Variants in EYS observed in about 807,000 individuals in gnomAD.
The protein encoded by EYS is EGF-like photoreceptor maintenance factor, also known as protein eyes shut homolog.
Under a neutral mutation model 282.1 loss-of-function variants are expected in EYS, and 250 were observed. The ratio of observed to expected loss-of-function variants is 0.89; its 90% CI spans 0.80 to 0.98. The LOEUF is 0.98. Ranked by LOEUF, EYS falls within the 50% of genes least tolerant of loss-of-function variation. EYS has a pLI of 0.00. For missense variants in EYS, 4,016 were observed against 3,709.0 expected (o/e 1.08, Z -2.15); for synonymous variants, 1,355 against 1,282.9 (o/e 1.06, Z -1.20).
At chr6:63,885,469 G>A (rs908490325) in intron 35 of EYS, among the ~76,000 whole-genome samples, 3 of 152,036 alleles carry the variant, frequency 2.0e-5, no homozygotes, top group Non-Finnish European at 1.5e-5. Context: ...TTTCTTTGAT[G>A]CAATGATTTC....
intron 12 of EYS, among the ~76,000 whole-genome samples, chr6:65,120,159 A>C (rs894298171): frequency 2.0e-5 from 3 of 150,296 alleles, no homozygotes; most frequent in East Asian, 1.9e-4. Context: ...CTCAAAAAAA[A>C]AAAAAAACAA....
At chr6:63,924,052 T>C (rs1245721872) in intron 35 of EYS, among the ~76,000 whole-genome samples, 2 of 152,160 alleles carry the variant, frequency 1.3e-5, no homozygotes, top group East Asian at 3.9e-4. Flanking sequence ...GCATAATAAA[T>C]TCAAAAAGGA....
At chr6:64,612,555 T>C (rs937086342) in intron 24 of EYS, among the ~76,000 whole-genome samples, 3 of 152,144 alleles carry the variant, frequency 2.0e-5, no homozygotes, top group Admixed American at 6.5e-5. Context: ...ACTTTTGTAA[T>C]TGGATCTGCT....
At chr6:65,472,426 T>G (rs1182192794) in intron 5 of EYS, among the ~76,000 whole-genome samples, 1 of 152,052 alleles carries the variant, frequency 6.6e-6, no homozygotes, top group Non-Finnish European at 1.5e-5. Flanking sequence ...CAGATACATA[T>G]TCTTATGGAA....
At chr6:64,092,321 C>G (rs926246926) in intron 31 of EYS, among the ~76,000 whole-genome samples, 5 of 152,160 alleles carry the variant, frequency 3.3e-5, no homozygotes, top group Non-Finnish European at 4.4e-5. Context: ...CCTGAGGAAT[C>G]GCCACACTGA....
intron 12 of EYS, among the ~76,000 whole-genome samples, chr6:65,289,464 C>T (rs1768462079): frequency 6.6e-6 from 1 of 150,852 alleles, no homozygotes; most frequent in South Asian, 2.1e-4. Flanking sequence ...AGGACTACTC[C>T]CAAATATGTG....
intron 14 of EYS, among the ~76,000 whole-genome samples, chr6:64,996,671 G>A (rs977577375): frequency 3.9e-5 from 6 of 152,160 alleles, no homozygotes; most frequent in South Asian, 2.1e-4. Flanking sequence ...ATGTAAATGC[G>A]AGTTACAGTT....
At chr6:64,062,645 C>A (rs780471442) in intron 33 of EYS, among the ~76,000 whole-genome samples, 2 of 148,344 alleles carry the variant, frequency 1.3e-5, no homozygotes, top group African/African-American at 2.5e-5. Flanking sequence ...GAGCCGAGAT[C>A]GCACCATTGC....
chr6:63,876,249 C>A lies in EYS; in HGVS notation c.7056-11891G>T, dbSNP rs1043007811. Among the ~76,000 whole-genome samples, 5 of 152,208 alleles carry A rather than the reference C, an allele frequency of 3.3e-5. No individual in the cohort carries two copies. The South Asian group carries it at 6.2e-4, about 19-fold the overall frequency. The stretch of plus-strand genomic sequence containing the variant: ...TATGTACCCAGTAGTCATTCAGGAG[C>A]AGGTTGTTCAGTTTCCATGTAGTTG... On this transcript the variant is annotated intron_variant, in intron 35 of 42. Coordinates refer to ENST00000503581, the MANE Select transcript of EYS (RefSeq NM_001142800.2).
intron 5 of EYS, among the ~76,000 whole-genome samples, chr6:65,478,469 A>T (rs1351147571): frequency 6.6e-6 from 1 of 152,142 alleles, no homozygotes; most frequent in Admixed American, 6.5e-5. Context: ...CTTACCAAGT[A>T]TTTTACATGA....
chr6:64,397,341 C>A (rs1025814768), intron 28 of EYS, among the ~76,000 whole-genome samples: 1 of 152,054 alleles, frequency 6.6e-6, no homozygotes, highest in African/African-American at 2.4e-5. Flanking sequence ...GCTGTCCTCA[C>A]ATTCAGAAAG....
intron 37 of EYS, among the ~76,000 whole-genome samples, chr6:63,798,268 C>T (rs190975572): frequency 1.3e-5 from 2 of 152,066 alleles, no homozygotes; most frequent in Non-Finnish European, 2.9e-5. Flanking sequence ...CTCAGTCAGT[C>T]GGGAAAGTGA....
chr6:64,034,837 C>G (rs1217627274), intron 33 of EYS, among the ~76,000 whole-genome samples: 5 of 151,024 alleles, frequency 3.3e-5, no homozygotes, highest in East Asian at 1.9e-4. Context: ...TCTCTTACAA[C>G]TAAAGGAAAA....
chr6:64,735,330 G>T (rs1365215524), intron 22 of EYS, among the ~76,000 whole-genome samples: 2 of 152,138 alleles, frequency 1.3e-5, no homozygotes, highest in East Asian at 3.9e-4. Context: ...TGATCAGCCT[G>T]CCTTGGCCTC....
chr6:64,844,178 T>G (rs1350299275), intron 19 of EYS, among the ~76,000 whole-genome samples: 1 of 152,144 alleles, frequency 6.6e-6, no homozygotes, highest in Non-Finnish European at 1.5e-5. Context: ...GAAAATGGAC[T>G]AATACACTGG....
intron 5 of EYS, among the ~76,000 whole-genome samples, chr6:65,459,319 C>T (rs903232056): frequency 6.6e-6 from 1 of 151,886 alleles, no homozygotes; most frequent in African/African-American, 2.4e-5. Context: ...ATTGATGTTC[C>T]TAGTGATATT....
chr6:64,974,054 A>G (rs1157605508), intron 14 of EYS, among the ~76,000 whole-genome samples: 1 of 151,956 alleles, frequency 6.6e-6, no homozygotes, highest in Non-Finnish European at 1.5e-5. Context: ...GGATTCCATC[A>G]TTACATTTAT....
chr6:64,291,448 T>C (rs951582963), intron 30 of EYS, among the ~76,000 whole-genome samples: 2 of 152,096 alleles, frequency 1.3e-5, no homozygotes, highest in African/African-American at 4.8e-5. Context: ...AGTTTCATTT[T>C]CCTGAATGTT....
chr6:63,875,356 C>G (rs1772939234), intron 35 of EYS, among the ~76,000 whole-genome samples: 1 of 152,140 alleles, frequency 6.6e-6, no homozygotes, highest in Non-Finnish European at 1.5e-5. Flanking sequence ...TTTTGATGTG[C>G]TGCTGGATTT....
Sources: gnomAD v4.1 joint callset for allele counts (sites outside exome capture counted in the v4.1 genomes callset) on GRCh38, gnomAD v4.1.1 for gene constraint, MANE v1.5 for transcripts, NCBI Gene and HGNC (gene_info 2026-07-23, HGNC 2026-07-21) for gene names.